The following ERC2 variants were observed in gnomAD, a reference collection of about 807,000 sequenced individuals.
The protein encoded by ERC2 is ERC protein 2.
ERC2 carries 42 observed loss-of-function variants against 114.8 expected under a neutral mutation model. The ratio of observed to expected loss-of-function variants is 0.37; its 90% CI spans 0.29 to 0.47. The LOEUF (loss-of-function observed/expected upper bound fraction) is 0.47. Among genes scored for constraint, ERC2 ranks in the 20% least tolerant of loss-of-function variants. The pLI, the probability that ERC2 is intolerant of heterozygous loss-of-function variation, is 0.99. For missense variants in ERC2, 939 were observed against 1,150.7 expected, an observed-to-expected ratio of 0.82 and a Z score of 2.66; for synonymous variants, 454 against 425.5, an observed-to-expected ratio of 1.07 and a Z score of -0.82.
intron 6 of ERC2, among the ~76,000 whole-genome samples, chr3:56,121,833 T>A (rs181282829): frequency 6.6e-6 from 1 of 152,322 alleles, no homozygotes; most frequent in East Asian, 1.9e-4. Context: ...CTACAATGTT[T>A]GAGGCTTACC....
intron 14 of ERC2, among the ~76,000 whole-genome samples, chr3:55,856,537 C>G (rs978001083): frequency 1.4e-5 from 2 of 147,340 alleles, no homozygotes; most frequent in South Asian, 4.2e-4. Context: ...CACACATATA[C>G]ACATATATGT....
chr3:56,221,022 C>T (rs2049868387), intron 3 of ERC2, among the ~76,000 whole-genome samples: 1 of 152,038 alleles, frequency 6.6e-6, no homozygotes, highest in East Asian at 1.9e-4. Flanking sequence ...GCACATATTT[C>T]TAAGTTAAAT....
chr3:56,216,659 GA>G (rs2049497363), intron 3 of ERC2, among the ~76,000 whole-genome samples: 1 of 152,162 alleles, frequency 6.6e-6, no homozygotes, highest in East Asian at 1.9e-4. Flanking sequence ...GCATAATCCT[GA>G]TACCAAAGCC....
At chr3:55,581,674 A>G (rs2057268566) in intron 17 of ERC2, among the ~76,000 whole-genome samples, 1 of 152,182 alleles carries the variant, frequency 6.6e-6, no homozygotes, top group Admixed American at 6.5e-5. Context: ...TTGAAATGAT[A>G]TGCAACGTTT....
At chr3:55,549,399 C>T (rs1381680717) in intron 17 of ERC2, among the ~76,000 whole-genome samples, 1 of 151,882 alleles carries the variant, frequency 6.6e-6, no homozygotes, top group Non-Finnish European at 1.5e-5. Flanking sequence ...ACTTAAGCAG[C>T]TGTCTCCCAG....
rs1010195937 is a variant in ERC2 at position 56,202,513 on chromosome 3, T to G, written c.1075-28993A>C. On this transcript the variant is annotated intron_variant, in intron 3 of 17. Coordinates refer to ENST00000288221, the MANE Select transcript of ERC2 (RefSeq NM_015576.3). ...CTCTAAACTCAAGCTTTTTTTTTTT[T>G]GCTTATTTATAGATGTATTTATATG... 3.4e-4 allele frequency among the ~76,000 whole-genome samples: 52 copies of G among 150,738 alleles called. 1 individual carries two copies. Among genetic ancestry groups the G allele is most frequent in the Non-Finnish European group, 6.5e-4 (44 of 67,506 alleles).
At chr3:55,922,230 G>A (rs958841752) in intron 13 of ERC2, among the ~76,000 whole-genome samples, 1 of 151,944 alleles carries the variant, frequency 6.6e-6, no homozygotes, top group Non-Finnish European at 1.5e-5. Context: ...CCAGAGTGAC[G>A]TTTCTAACAA....
chr3:56,381,013 T>C (rs1196086850), intron 2 of ERC2, among the ~76,000 whole-genome samples: 1 of 152,198 alleles, frequency 6.6e-6, no homozygotes, highest in Non-Finnish European at 1.5e-5. Context: ...TTGTTTTTCA[T>C]CCATCAGTCT....
At chr3:56,145,264 G>A (rs773396782) in intron 5 of ERC2, among the ~76,000 whole-genome samples, 1 of 152,140 alleles carries the variant, frequency 6.6e-6, no homozygotes, top group Non-Finnish European at 1.5e-5. Flanking sequence ...GAATAAAGGA[G>A]GAGATCTAAG....
intron 14 of ERC2, among the ~76,000 whole-genome samples, chr3:55,856,650 T>C (rs2061799547): frequency 6.6e-6 from 1 of 151,998 alleles, no homozygotes; most frequent in Admixed American, 6.6e-5. Context: ...TGATGGTAAA[T>C]GTTAAAAAGA....
rs141346162 is a variant in ERC2, at chr3:55,623,581, C to T, written c.*39+60213G>A. Among the ~76,000 whole-genome samples the T allele has an allele frequency of 4.8e-3, 728 of 152,278 alleles. 2 individuals are homozygous for T. The highest frequency in any genetic ancestry group is 7.8e-3 in the Non-Finnish European group (529 of 68,030). ...TGTTCCCCTGGTCACCTGCTTTGAC[C>T]TCAGTCATGCCTGGTCACCTGCTCT... On this transcript the variant is annotated intron_variant, in intron 17 of 17. Transcript: ENST00000288221.
chr3:55,846,693 TTCTCTCTCTC>T (rs34647203), intron 14 of ERC2, among the ~76,000 whole-genome samples: 3 of 142,820 alleles, frequency 2.1e-5, no homozygotes, highest in Non-Finnish European at 3.0e-5. Context: ...CTCTCTCTCT[TTCTCTCTCTC>T]TCTCTCTCTC....
chr3:55,933,163 C>T (rs1048182831), intron 13 of ERC2, among the ~76,000 whole-genome samples: 16 of 150,566 alleles, frequency 1.1e-4, no homozygotes, highest in South Asian at 2.1e-4. Flanking sequence ...GAGTAGAGAT[C>T]GCGCCACTGC....
chr3:56,033,038 AAGAAAGAAAGAAAGAAAG>A (rs1560058403), intron 7 of ERC2, among the ~76,000 whole-genome samples: 7 of 74,522 alleles, frequency 9.4e-5, no homozygotes, highest in African/African-American at 8.1e-5. Flanking sequence ...AACAGAAAGA[AAGAAAGAAAGAAAGAAAG>A]AAAGAAAGAA....
chr3:56,415,087 AC>A (rs1350065416), intron 2 of ERC2, among the ~76,000 whole-genome samples: 3 of 152,218 alleles, frequency 2.0e-5, no homozygotes, highest in African/African-American at 7.2e-5. Flanking sequence ...TTCAATCTTA[AC>A]AACTAATTCC....
chr3:56,390,835 C>T (rs1418046080), intron 2 of ERC2, among the ~76,000 whole-genome samples: 6 of 152,120 alleles, frequency 3.9e-5, no homozygotes, highest in Non-Finnish European at 7.4e-5. Flanking sequence ...CCAAGATTAA[C>T]AGGAAGCACT....
intron 15 of ERC2, among the ~76,000 whole-genome samples, chr3:55,721,917 G>C (rs2064578260): frequency 6.6e-6 from 1 of 152,168 alleles, no homozygotes; most frequent in Non-Finnish European, 1.5e-5. Flanking sequence ...AGCTGTGTTT[G>C]TAATTCTAGG....
At chr3:56,082,080 T>C (rs73091072) in intron 6 of ERC2, among the ~76,000 whole-genome samples, 2,808 of 147,164 alleles carry the variant, frequency 0.019, 37 homozygotes, top group Middle Eastern at 0.042. Context: ...ATTGGATATA[T>C]ATATTAAAAA....
intron 2 of ERC2, among the ~76,000 whole-genome samples, chr3:56,299,109 T>G (rs1432483328): frequency 9.1e-5 from 13 of 142,794 alleles, no homozygotes; most frequent in African/African-American, 3.2e-4. Flanking sequence ...TTTTTTTGTT[T>G]TTTTTTTTTG....
Sources: allele counts gnomAD v4.1 joint callset (sites outside exome capture counted in the v4.1 genomes callset), GRCh38; gene constraint gnomAD v4.1.1; transcripts MANE v1.5; gene names NCBI Gene and HGNC (gene_info 2026-07-23, HGNC 2026-07-21).